QPCT: variants seen among roughly 807,000 people sequenced by gnomAD.
QPCT encodes EC.
QPCT carries 44 observed loss-of-function variants against 43.4 expected under a neutral mutation model. The ratio of observed to expected loss-of-function variants is 1.01; its 90% CI spans 0.80 to 1.30. The LOEUF is 1.30. QPCT is among the 50% of genes most tolerant of loss of function. QPCT has a pLI of 0.00. For missense variants in QPCT, 526 were observed against 436.5 expected, an observed-to-expected ratio of 1.21 and a Z score of -1.83; for synonymous variants, 168 against 168.4, an observed-to-expected ratio of 1.00 and a Z score of 0.02.
chr2:37,372,870 C>T lies in QPCT; in HGVS notation c.*43C>T. Reference sequence around the variant, plus strand: ...GGATAATTGGTTCTAGAATTGAATTCAAAAGTCAAGGCATCATTTAAAATA... The same window carrying T: ...GGATAATTGGTTCTAGAATTGAATTTAAAAGTCAAGGCATCATTTAAAATA... On this transcript the variant is annotated 3_prime_UTR_variant, in exon 7 of 7. Coordinates refer to ENST00000338415, the MANE Select transcript of QPCT (RefSeq NM_012413.4). 3 of 1,521,686 alleles carry T rather than the reference C, an allele frequency of 2.0e-6. No individual in the cohort carries two copies. Among genetic ancestry groups the T allele is most frequent in the Non-Finnish European group, 2.7e-6 (3 of 1,119,164 alleles). 94.3% of individuals were successfully genotyped at this position (1,521,686 alleles called of 1,614,324 possible). A position where few individuals can be genotyped will look rare whatever the true frequency, so the allele number is the denominator to read the frequency against.
At chr2:37,371,361 G>C (rs1049751813) in intron 5 of QPCT, among the ~76,000 whole-genome samples, 4 of 136,252 alleles carry the variant, frequency 2.9e-5, no homozygotes, top group African/African-American at 1.1e-4. Context: ...ATCTCTAGTT[G>C]TATAAGAGAA....
At chr2:37,346,946 A>G (rs1672500262) in intron 1 of QPCT, among the ~76,000 whole-genome samples, 1 of 151,524 alleles carries the variant, frequency 6.6e-6, no homozygotes, top group South Asian at 2.1e-4. Flanking sequence ...TGAAATAAAG[A>G]TGTTTCTCTT....
intron 3 of QPCT, among the ~76,000 whole-genome samples, chr2:37,363,425 C>G (rs1001528453): frequency 9.6e-5 from 14 of 145,216 alleles, no homozygotes; most frequent in Admixed American, 2.9e-4. Flanking sequence ...GAGTTTGAGA[C>G]CAGCCTGGGC....
intron 3 of QPCT, among the ~76,000 whole-genome samples, chr2:37,361,484 G>A (rs1022111635): frequency 4.6e-5 from 7 of 152,202 alleles, no homozygotes; most frequent in Admixed American, 3.3e-4. Flanking sequence ...TTAGCCAATG[G>A]GATGTTAGTA....
In QPCT at chr2:37,369,703, G is replaced by T; in HGVS notation, c.742G>T (p.Asp248Tyr). The T allele has an allele frequency of 6.2e-7, 1 of 1,602,370 alleles. No homozygotes were observed. The highest frequency in any genetic ancestry group is 8.6e-7 in the Non-Finnish European group (1 of 1,169,404). The change falls in exon 5 of 7, where the codon GAT becomes TAT. Residue 248 changes from aspartate (D) to tyrosine (Y), a missense_variant. Transcript: ENST00000338415. ...LHGMDLLVLL[D>Y]LIGAPNPTFP... ...CCCTCAGGATTTATTGGTCTTATTG[G>T]ATTTGATTGGAGCTCCAAACCCAAC...
chr2:37,358,578 C>T (rs1032987657), intron 2 of QPCT: 1 of 152,158 alleles, frequency 6.6e-6, no homozygotes, highest in Non-Finnish European at 1.5e-5. Context: ...ATCGTGAAGT[C>T]TATAATATGT....
intron 3 of QPCT, among the ~76,000 whole-genome samples, chr2:37,361,331 C>T (rs147425075): frequency 6.6e-5 from 10 of 152,292 alleles, no homozygotes; most frequent in Non-Finnish European, 1.2e-4. Flanking sequence ...TTATTCGCAA[C>T]TCTTCATAGC....
At chr2:37,346,328 G>A (rs1187397787) in intron 1 of QPCT, among the ~76,000 whole-genome samples, 2 of 152,266 alleles carry the variant, frequency 1.3e-5, no homozygotes, top group African/African-American at 4.8e-5. Context: ...GAAGAAGAAC[G>A]TGGAATGACA....
chr2:37,367,362 C>T lies in QPCT; in HGVS notation c.677C>T (p.Thr226Ile). The T allele has an allele frequency of 6.2e-7, 1 of 1,614,012 alleles. No homozygotes were observed. The highest frequency in any genetic ancestry group is 1.1e-5 in the South Asian group (1 of 91,076). Residue 226 changes from threonine (T) to isoleucine (I), a missense_variant, in exon 4 of 7, where the codon ACC becomes ATC. Thr to Ile is a moderately conservative substitution (Grantham distance 89, BLOSUM62 -1). Transcript: ENST00000338415. ...CACTTAGCTGCAAAGATGGCATCGA[C>T]CCCGCACCCACCTGGAGCGAGAGGC... Reference protein sequence around the residue: ...SRHLAAKMASTPHPPGARGTS... With the variant: ...SRHLAAKMASIPHPPGARGTS...
At chr2:37,372,543 A>C in intron 6 of QPCT, 71 bp downstream of exon 6, 1 of 1,473,762 alleles carries the variant, frequency 6.8e-7, no homozygotes. Context: ...CAACGGTGGG[A>C]TATGAGAAAG....
chr2:37,352,717 A>G, intron 1 of QPCT, 72 bp from the exon 2 acceptor site: 1 of 1,532,528 alleles, frequency 6.5e-7, no homozygotes, highest in Non-Finnish European at 8.9e-7. Context: ...TAAGCAATTA[A>G]TTGAAAACAT....
chr2:37,372,313 G>A (rs1260444480), intron 5 of QPCT, 43 bp from the exon 6 acceptor site: 1 of 1,337,236 alleles, frequency 7.5e-7, no homozygotes, highest in African/African-American at 1.4e-5. Flanking sequence ...GTCTTGATAA[G>A]ATAAAAATAG....
intron 4 of QPCT, chr2:37,368,301 C>G (rs887211975): frequency 2.8e-5 from 6 of 214,900 alleles, no homozygotes; most frequent in Non-Finnish European, 5.7e-5. Context: ...GGCCCACACT[C>G]CATCCCTAAT....
intron 1 of QPCT, among the ~76,000 whole-genome samples, chr2:37,347,170 T>TATATATATATATATATAAC (rs1672512668): frequency 1.9e-5 from 1 of 52,850 alleles, no homozygotes; most frequent in Non-Finnish European, 3.2e-5. Flanking sequence ...ATATAACATA[T>TATATATATATATATATAAC]ATATATATAA....
intron 3 of QPCT, among the ~76,000 whole-genome samples, chr2:37,363,927 C>CT (rs1172228698): frequency 6.6e-6 from 1 of 151,814 alleles, no homozygotes; most frequent in Non-Finnish European, 1.5e-5. Context: ...GAAGAAGTAT[C>CT]TTTTTTTAGA....
intron 1 of QPCT, among the ~76,000 whole-genome samples, chr2:37,349,081 C>T (rs1031822667): frequency 2.0e-5 from 3 of 152,198 alleles, no homozygotes; most frequent in African/African-American, 7.2e-5. Flanking sequence ...CCACACAGGG[C>T]TTTAATGAAT....
chr2:37,368,459 G>T, intron 4 of QPCT: 1 of 373,968 alleles, frequency 2.7e-6, no homozygotes, highest in Non-Finnish European at 5.5e-6. Flanking sequence ...ATCCCTCCCT[G>T]ACGCTCACCC....
intron 1 of QPCT, among the ~76,000 whole-genome samples, chr2:37,348,236 A>T (rs1327833827): frequency 7.9e-5 from 12 of 152,104 alleles, no homozygotes; most frequent in Admixed American, 7.9e-4. Context: ...GTATCATGAG[A>T]TCCATTTTAC....
At chr2:37,358,030 G>C (rs774166820) in intron 2 of QPCT, among the ~76,000 whole-genome samples, 19 of 150,954 alleles carry the variant, frequency 1.3e-4, no homozygotes, top group Non-Finnish European at 2.1e-4. Flanking sequence ...CAAATTGTCA[G>C]TTATTTTGAT....
Sources: allele counts gnomAD v4.1 joint callset (sites outside exome capture counted in the v4.1 genomes callset), GRCh38; gene constraint gnomAD v4.1.1; transcripts MANE v1.5; gene names NCBI Gene and HGNC (gene_info 2026-07-23, HGNC 2026-07-21).